The following CUX1 variants were observed in gnomAD, a reference collection of about 807,000 sequenced individuals.
CUX1 encodes the protein cut like homeobox 1.
CUX1 carries 31 observed loss-of-function variants against 158.8 expected under a neutral mutation model. The ratio of observed to expected loss-of-function variants is 0.20; its 90% CI spans 0.15 to 0.26. CUX1 has a LOEUF of 0.26. Among genes scored for constraint, CUX1 ranks in the 10% least tolerant of loss-of-function variants. The pLI is 1.00. For missense variants in CUX1, 1,589 were observed against 2,014.6 expected (o/e 0.79, Z 4.04); for synonymous variants, 879 against 862.1 (o/e 1.02, Z -0.34).
At chr7:101,921,171 G>A (rs1199633425) in intron 2 of CUX1, among the ~76,000 whole-genome samples, 3 of 152,128 alleles carry the variant, frequency 2.0e-5, no homozygotes, top group East Asian at 1.9e-4. Context: ...GTAGCTGTGC[G>A]TCTTGGGGCA....
intron 1 of CUX1, among the ~76,000 whole-genome samples, chr7:101,836,615 G>T (rs563851278): frequency 6.7e-6 from 1 of 148,736 alleles, no homozygotes; most frequent in Non-Finnish European, 1.5e-5. Context: ...GCCAAGGCGG[G>T]TGCATCACCT....
intron 1 of CUX1, among the ~76,000 whole-genome samples, chr7:101,873,151 GT>G (rs1395647876): frequency 6.7e-6 from 1 of 149,488 alleles, no homozygotes; most frequent in East Asian, 1.9e-4. Context: ...GATTACAGGC[GT>G]GAGCCACCGC....
chr7:101,823,331 A>C lies in CUX1; in HGVS notation c.30+5662A>C, dbSNP rs767110792. Among the ~76,000 whole-genome samples, 251 of 152,350 alleles carry C rather than the reference A, an allele frequency of 1.6e-3. 2 individuals carry two copies. The highest frequency in any genetic ancestry group is 0.014 in the Admixed American group (209 of 15,308). On this transcript the variant is annotated intron_variant, in intron 1 of 23. Transcript: ENST00000292535. ...CTAGGGATTTACTAACACTGCCAGCAACTCAAGAACTAGCCAGCCGGGAGT... is the reference window on the plus strand; with the variant it reads ...CTAGGGATTTACTAACACTGCCAGCCACTCAAGAACTAGCCAGCCGGGAGT...
intron 2 of CUX1, chr7:101,960,920 G>A (rs1029311064): frequency 2.0e-5 from 3 of 152,216 alleles, no homozygotes; most frequent in Admixed American, 1.3e-4. Context: ...GCTTCACCGA[G>A]GCCTCCTGGT....
At chr7:102,143,538 G>T (rs1563303943) in intron 8 of CUX1, among the ~76,000 whole-genome samples, 1 of 152,198 alleles carries the variant, frequency 6.6e-6, no homozygotes, top group Non-Finnish European at 1.5e-5. Flanking sequence ...CTCCCAAAGT[G>T]CTGGGATTAC....
chr7:102,193,831 T>C lies in CUX1; in HGVS notation c.1077-11T>C. The C allele has an allele frequency of 6.2e-7, 1 of 1,613,704 alleles. No individual in the cohort carries two copies. Among genetic ancestry groups the C allele is most frequent in the Non-Finnish European group, 8.5e-7 (1 of 1,179,858 alleles). On this transcript the variant is annotated splice_polypyrimidine_tract_variant and intron_variant, in intron 12 of 23. Coordinates refer to ENST00000292535, the MANE Select transcript of CUX1 (RefSeq NM_181552.4). ...AATAAATAAAATAACCCCTCTGTTG[T>C]GCTCTTGCAGCATTCTGAAGTCCAT...
intron 11 of CUX1, among the ~76,000 whole-genome samples, chr7:102,179,415 A>G (rs1451874400): frequency 2.6e-5 from 4 of 152,112 alleles, no homozygotes; most frequent in South Asian, 4.1e-4. Context: ...CTGGTGTACT[A>G]TAACTCCAGC....
At chr7:102,242,919 G>A (rs782400285) in intron 23 of CUX1, among the ~76,000 whole-genome samples, 4 of 152,192 alleles carry the variant, frequency 2.6e-5, no homozygotes, top group Non-Finnish European at 4.4e-5. Flanking sequence ...GGCAAAGATA[G>A]AGAAGGGGAG....
chr7:102,195,453 G>T, intron 13 of CUX1, 54 bp from the exon 14 acceptor site: 2 of 1,458,996 alleles, frequency 1.4e-6, no homozygotes, highest in Non-Finnish European at 1.9e-6. Context: ...TGGTGGCCCC[G>T]GGAGCGGGTG....
chr7:102,164,122 C>T (rs1218314888), intron 9 of CUX1, among the ~76,000 whole-genome samples: 6 of 152,216 alleles, frequency 3.9e-5, no homozygotes, highest in African/African-American at 9.7e-5. Flanking sequence ...TGTGAAACCC[C>T]GTCCCGTCCG....
At chr7:102,098,068 AG>A (rs1404822700) in intron 5 of CUX1, among the ~76,000 whole-genome samples, 1 of 152,246 alleles carries the variant, frequency 6.6e-6, no homozygotes, top group Non-Finnish European at 1.5e-5. Context: ...CCGTCAGGGA[AG>A]AACAAAGGAA....
intron 6 of CUX1, among the ~76,000 whole-genome samples, chr7:102,107,601 C>A (rs1259231041): frequency 6.6e-6 from 1 of 152,232 alleles, no homozygotes; most frequent in African/African-American, 2.4e-5. Flanking sequence ...CGGGGCCCTC[C>A]CTGCATCAGA....
At chr7:101,955,530 C>T (rs921402162) in intron 2 of CUX1, among the ~76,000 whole-genome samples, 1 of 152,180 alleles carries the variant, frequency 6.6e-6, no homozygotes, top group Non-Finnish European at 1.5e-5. Context: ...CATGCCTGAC[C>T]TCCGCACCTA....
chr7:102,235,626 T>C (rs364396), intron 22 of CUX1, among the ~76,000 whole-genome samples: 93,441 of 149,514 alleles, frequency 0.62, 29,438 homozygotes, highest in East Asian at 0.93. Context: ...CGCTTGAACC[T>C]GGGAGGAGGA....
intron 2 of CUX1, among the ~76,000 whole-genome samples, chr7:102,008,093 T>G (rs1359291326): frequency 6.6e-6 from 1 of 152,154 alleles, no homozygotes; most frequent in Non-Finnish European, 1.5e-5. Flanking sequence ...TCTCCAGGCT[T>G]TCCCCTCTGG....
chr7:102,276,931 T>G (rs1791646011), intron 17 of CUX1, among the ~76,000 whole-genome samples: 1 of 152,158 alleles, frequency 6.6e-6, no homozygotes, highest in African/African-American at 2.4e-5. Flanking sequence ...CACTTTGAAA[T>G]GCTGATGTTT....
rs1215714283 is a variant in CUX1, at chr7:102,255,479, T to C, written c.*6437T>C. The stretch of plus-strand genomic sequence containing the variant: ...TTCCCCCATGCCCCCGTTCTTAAAC[T>C]CTTAAGATGCCTTTGAGTTGCTTTT... On this transcript the variant is annotated 3_prime_UTR_variant, in exon 24 of 24. Transcript: ENST00000292535. 1.0e-6 allele frequency: 1 copy of C among 985,112 alleles called. No individual in the cohort carries two copies. The highest frequency in any genetic ancestry group is 1.2e-6 in the Non-Finnish European group (1 of 829,892). The allele number at this position is 985,112 out of a possible 1,614,324, so 61.0% of individuals were successfully genotyped here.
chr7:102,202,239 A>G (rs2132042012), intron 18 of CUX1, 35 bp downstream of exon 18: 1 of 1,554,140 alleles, frequency 6.4e-7, no homozygotes, highest in Non-Finnish European at 8.7e-7. Flanking sequence ...TGGTTCTCCC[A>G]TCTCTTCTCC....
chr7:102,151,987 G>A (rs1405900608), intron 8 of CUX1, among the ~76,000 whole-genome samples: 2 of 151,884 alleles, frequency 1.3e-5, no homozygotes, highest in South Asian at 2.1e-4. Flanking sequence ...CAGGAGGATC[G>A]CTTCAGGCCA....
Sources: gnomAD v4.1 joint callset for allele counts (sites outside exome capture counted in the v4.1 genomes callset) on GRCh38, gnomAD v4.1.1 for gene constraint, MANE v1.5 for transcripts, NCBI Gene and HGNC (gene_info 2026-07-23, HGNC 2026-07-21) for gene names.